The following RNF13 variants were observed in gnomAD, a reference collection of about 807,000 sequenced individuals.
RNF13 encodes the protein E3 ubiquitin-protein ligase RNF13.
In RNF13, 19 loss-of-function variants were observed where a neutral mutation model predicts 37.7. The observed-to-expected ratio is 0.50, with a 90% CI of 0.35 to 0.74. The LOEUF (loss-of-function observed/expected upper bound fraction) is 0.74, where lower values mean the gene tolerates loss of function less well. Ranked by LOEUF, RNF13 falls within the 30% of genes least tolerant of loss-of-function variation. The probability of loss-of-function intolerance (pLI) is 0.01; values close to 1 mark genes in which losing one functional copy is unlikely to be tolerated. For synonymous variants in RNF13, 144 were observed against 157.8 expected (o/e 0.91, Z 0.65); for missense variants, 375 against 453.0 (o/e 0.83, Z 1.56).
chr3:149,873,053 C>G (rs973239100), intron 4 of RNF13, among the ~76,000 whole-genome samples: 2 of 152,180 alleles, frequency 1.3e-5, no homozygotes, highest in African/African-American at 4.8e-5. Context: ...AAGTAGTAGA[C>G]TTCCTGCTCC....
chr3:149,947,429 G>T (rs1384100642), intron 8 of RNF13, among the ~76,000 whole-genome samples: 24 of 151,182 alleles, frequency 1.6e-4, no homozygotes, highest in African/African-American at 5.9e-4. Flanking sequence ...TTTAAAGGCG[G>T]AGTTTCGCTC....
intron 8 of RNF13, among the ~76,000 whole-genome samples, chr3:149,933,268 T>C (rs570053075): frequency 2.7e-5 from 4 of 150,438 alleles, no homozygotes; most frequent in Admixed American, 6.6e-5. Context: ...TGAGGCTTTT[T>C]TTTTTTTTTA....
At chr3:149,861,724 T>A (rs950166521) in intron 3 of RNF13, among the ~76,000 whole-genome samples, 5 of 151,968 alleles carry the variant, frequency 3.3e-5, no homozygotes, top group African/African-American at 1.2e-4. Context: ...GATAACAGAG[T>A]AGGGTGACTA....
chr3:149,890,733 G>A (rs980434404), intron 4 of RNF13, among the ~76,000 whole-genome samples: 2 of 152,080 alleles, frequency 1.3e-5, no homozygotes, highest in Non-Finnish European at 2.9e-5. Context: ...TGTTTTAAAT[G>A]TGTCTTTTAA....
At chr3:149,864,134 G>C (rs1307248373) in intron 3 of RNF13, among the ~76,000 whole-genome samples, 4 of 148,312 alleles carry the variant, frequency 2.7e-5, no homozygotes, top group Non-Finnish European at 5.9e-5. Context: ...TAGTGTTGGA[G>C]GTAAGGCACA....
chr3:149,953,126 T>A (rs76630158), intron 8 of RNF13, among the ~76,000 whole-genome samples: 1 of 152,058 alleles, frequency 6.6e-6, no homozygotes, highest in Non-Finnish European at 1.5e-5. Flanking sequence ...TTTTTTTTTT[T>A]AAGCTAGATT....
At chr3:149,857,928 GC>G (rs1723818079) in intron 3 of RNF13, among the ~76,000 whole-genome samples, 1 of 152,194 alleles carries the variant, frequency 6.6e-6, no homozygotes. Context: ...GGAAGGTGGG[GC>G]CCAGTGGGAG....
intron 8 of RNF13, among the ~76,000 whole-genome samples, chr3:149,938,743 C>T (rs1719958041): frequency 6.6e-6 from 1 of 151,786 alleles, no homozygotes; most frequent in African/African-American, 2.4e-5. Context: ...CATGTCTGAC[C>T]ACCACTACTA....
At chr3:149,945,006 C>A (rs1720630333) in intron 8 of RNF13, among the ~76,000 whole-genome samples, 2 of 152,272 alleles carry the variant, frequency 1.3e-5, no homozygotes, top group African/African-American at 4.8e-5. Context: ...AGGAAGGGAT[C>A]CAGTTTCAGC....
At chr3:149,838,078 C>A (rs1342619704) in intron 1 of RNF13, among the ~76,000 whole-genome samples, 3 of 152,204 alleles carry the variant, frequency 2.0e-5, no homozygotes, top group Non-Finnish European at 4.4e-5. Flanking sequence ...AATCTTAAAG[C>A]TCCAAAATGA....
At chr3:149,905,218 G>A (rs1716269658) in intron 6 of RNF13, among the ~76,000 whole-genome samples, 1 of 152,132 alleles carries the variant, frequency 6.6e-6, no homozygotes, top group Non-Finnish European at 1.5e-5. Context: ...TTATGAGGGT[G>A]TCTCTTTTAT....
intron 8 of RNF13, among the ~76,000 whole-genome samples, chr3:149,930,675 G>C (rs1719076353): frequency 6.6e-6 from 1 of 152,124 alleles, no homozygotes; most frequent in African/African-American, 2.4e-5. Flanking sequence ...ATTCACCAGT[G>C]AACCTATCTG....
At chr3:149,884,890 A>C (rs1321124882) in intron 4 of RNF13, among the ~76,000 whole-genome samples, 1 of 151,024 alleles carries the variant, frequency 6.6e-6, no homozygotes, top group African/African-American at 2.4e-5. Flanking sequence ...CCCATTAACC[A>C]TCCCCATCTC....
chr3:149,952,314 C>T (rs772888213), intron 8 of RNF13, among the ~76,000 whole-genome samples: 7 of 152,010 alleles, frequency 4.6e-5, no homozygotes, highest in African/African-American at 4.8e-5. Context: ...CACTCAGAGC[C>T]GCAACAAATA....
Position 149,962,090 on chromosome 3 carries a change from G to T in RNF13, c.*986G>T, listed in dbSNP as rs1011628682. 1 of 152,702 alleles carries T rather than the reference G, an allele frequency of 6.5e-6. No homozygotes were observed. 9.5% of individuals were successfully genotyped at this position (152,702 alleles called of 1,614,324 possible). A position where few individuals can be genotyped will look rare whatever the true frequency, so the allele number is the denominator to read the frequency against. On this transcript the variant is annotated 3_prime_UTR_variant, in exon 10 of 10. Transcript: ENST00000392894. The stretch of plus-strand genomic sequence containing the variant: ...AGGATTTTTATATGGCCTTGTATGA[G>T]GGGAGTTTGAATGTTAATAAACATG...
chr3:149,853,443 A>T (rs999590251), intron 3 of RNF13, among the ~76,000 whole-genome samples: 26 of 131,190 alleles, frequency 2.0e-4, no homozygotes, highest in South Asian at 8.0e-4. Context: ...TGTGTGTGTG[A>T]GAGAGAGAGA....
At chr3:149,948,467 C>T (rs927898116) in intron 8 of RNF13, among the ~76,000 whole-genome samples, 6 of 152,046 alleles carry the variant, frequency 3.9e-5, no homozygotes, top group Admixed American at 3.9e-4. Context: ...TTTCTAGTGA[C>T]GTTTTGATTC....
At chr3:149,950,727 C>A (rs2108600949) in intron 8 of RNF13, among the ~76,000 whole-genome samples, 1 of 152,128 alleles carries the variant, frequency 6.6e-6, no homozygotes, top group South Asian at 2.1e-4. Context: ...CCTCCCACCC[C>A]AGCCTCCCAA....
At chr3:149,919,606 T>C (rs1029858519) in intron 7 of RNF13, among the ~76,000 whole-genome samples, 2 of 152,258 alleles carry the variant, frequency 1.3e-5, no homozygotes, top group Non-Finnish European at 2.9e-5. Context: ...TGCTGAGATA[T>C]ATTCCATTGT....
Sources: gnomAD v4.1 joint callset for allele counts (sites outside exome capture counted in the v4.1 genomes callset) on GRCh38, gnomAD v4.1.1 for gene constraint, MANE v1.5 for transcripts, NCBI Gene and HGNC (gene_info 2026-07-23, HGNC 2026-07-21) for gene names.